Variants in MMP26 observed in about 807,000 individuals in gnomAD.
MMP26 encodes matrix metallopeptidase 26, also known as matrix metalloproteinase-26.
MMP26 carries 33 observed loss-of-function variants against 31.0 expected under a neutral mutation model. The observed-to-expected ratio is 1.06, with a 90% CI of 0.81 to 1.42. The LOEUF (loss-of-function observed/expected upper bound fraction) is 1.42, where lower values mean the gene tolerates loss of function less well. Ranked by LOEUF, MMP26 falls within the 40% of genes most tolerant of loss-of-function variation. MMP26 has a pLI of 0.00. For synonymous variants in MMP26, 122 were observed against 114.9 expected (o/e 1.06, Z -0.40); for missense variants, 347 against 316.1 (o/e 1.10, Z -0.74).
chr11:4,979,911 A>C (rs1846789668), intron 2 of MMP26, among the ~76,000 whole-genome samples: 1 of 152,152 alleles, frequency 6.6e-6, no homozygotes, highest in African/African-American at 2.4e-5. Context: ...AGAGCAATTC[A>C]CATTTACAGT....
intron 1 of MMP26, among the ~76,000 whole-genome samples, chr11:4,743,373 C>T (rs1282388926): frequency 1.3e-5 from 2 of 152,054 alleles, no homozygotes; most frequent in Admixed American, 6.5e-5. Context: ...ATTATGAAGA[C>T]TATTGGTAAA....
At chr11:4,848,322 G>T (rs1337752275) in intron 2 of MMP26, 8 of 1,613,966 alleles carry the variant, frequency 5.0e-6, no homozygotes, top group Non-Finnish European at 6.8e-6. Flanking sequence ...ATAGAGAATA[G>T]GGTTTATCAA....
chr11:4,896,717 T>C (rs73405024), intron 2 of MMP26, among the ~76,000 whole-genome samples: 5,731 of 152,270 alleles, frequency 0.038, 356 homozygotes, highest in African/African-American at 0.13. Flanking sequence ...AATTTACACA[T>C]GGTAAGATGG....
intron 2 of MMP26, chr11:4,849,320 C>T: frequency 8.8e-7 from 1 of 1,141,866 alleles, no homozygotes; most frequent in Non-Finnish European, 1.2e-6. Context: ...TCTTCCCTTC[C>T]CTGACTCATG....
intron 2 of MMP26, among the ~76,000 whole-genome samples, chr11:4,930,590 C>A (rs886315900): frequency 1.3e-5 from 2 of 152,004 alleles, no homozygotes; most frequent in African/African-American, 4.8e-5. Flanking sequence ...AAAGACTTTG[C>A]CTTACTATGT....
chr11:4,829,210 T>C (rs1030143479), intron 2 of MMP26, among the ~76,000 whole-genome samples: 2 of 152,156 alleles, frequency 1.3e-5, no homozygotes, highest in Non-Finnish European at 2.9e-5. Context: ...CTCTGCATAT[T>C]ATCAAATCTT....
In MMP26 at chr11:4,883,201, G is replaced by C. The variant is rs144241769; in HGVS notation, c.-144-104867G>C. Reference sequence around the variant, plus strand: ...TAAGACAGTAATTTTTAGACCAGAAGTAAATTAAAATTTTATTTTCACATC... The same window carrying C: ...TAAGACAGTAATTTTTAGACCAGAACTAAATTAAAATTTTATTTTCACATC... On this transcript the variant is annotated intron_variant, in intron 2 of 7. Coordinates refer to ENST00000380390, the MANE Select transcript of MMP26 (RefSeq NM_021801.5). Among the ~76,000 whole-genome samples, 455 of 149,790 alleles carry C rather than the reference G, an allele frequency of 3.0e-3. 5 individuals are homozygous for C. The highest frequency in any genetic ancestry group is 0.01 in the African/African-American group (422 of 40,452).
intron 2 of MMP26, among the ~76,000 whole-genome samples, chr11:4,933,558 T>C (rs1374084059): frequency 3.5e-4 from 4 of 11,312 alleles, no homozygotes; most frequent in African/African-American, 4.7e-4. Flanking sequence ...TGTTTTTTGT[T>C]TGTTTTGTTT....
intron 2 of MMP26, among the ~76,000 whole-genome samples, chr11:4,927,471 A>G (rs1851288485): frequency 6.6e-6 from 1 of 152,152 alleles, no homozygotes; most frequent in South Asian, 2.1e-4. Flanking sequence ...CCACAGGTCA[A>G]TCTCAAGTCC....
intron 2 of MMP26, among the ~76,000 whole-genome samples, chr11:4,856,582 G>A (rs1459687510): frequency 6.6e-6 from 1 of 152,154 alleles, no homozygotes; most frequent in Admixed American, 6.5e-5. Flanking sequence ...CAAGTCCTGA[G>A]TGACCTACAA....
intron 2 of MMP26, among the ~76,000 whole-genome samples, chr11:4,922,314 A>G (rs978477213): frequency 6.6e-6 from 1 of 152,180 alleles, no homozygotes; most frequent in Non-Finnish European, 1.5e-5. Flanking sequence ...AACTAGAAAG[A>G]GAAGAAATTG....
At chr11:4,709,730 G>C (rs1327772493) in intron 1 of MMP26, 1 of 460,736 alleles carries the variant, frequency 2.2e-6, no homozygotes, top group East Asian at 6.7e-5. Context: ...TCATCACTGA[G>C]TCAAGCCTCC....
At chr11:4,821,486 T>A in intron 2 of MMP26, 2 of 1,612,974 alleles carry the variant, frequency 1.2e-6, no homozygotes, top group African/African-American at 2.7e-5. Flanking sequence ...ATTCCAGGCC[T>A]GAAAGCCACC....
chr11:4,821,216 A>G (rs1849492285), intron 2 of MMP26: 2 of 614,324 alleles, frequency 3.3e-6, no homozygotes, highest in South Asian at 4.0e-5. Context: ...CAGGGAATTC[A>G]CTTTTCTCAA....
intron 2 of MMP26, among the ~76,000 whole-genome samples, chr11:4,903,435 G>A (rs988666689): frequency 1.4e-4 from 21 of 152,106 alleles, no homozygotes; most frequent in African/African-American, 4.3e-4. Context: ...GATGAAGAAC[G>A]TTTAAGTGGT....
chr11:4,766,782 C>T (rs960105092), intron 1 of MMP26, among the ~76,000 whole-genome samples: 2 of 129,192 alleles, frequency 1.5e-5, no homozygotes, highest in African/African-American at 6.7e-5. Context: ...CGGTTTCTCT[C>T]TCTCTTTCTC....
chr11:4,951,705 T>C (rs374919677), intron 2 of MMP26, among the ~76,000 whole-genome samples: 11 of 124,316 alleles, frequency 8.8e-5, no homozygotes, highest in African/African-American at 3.0e-4. Flanking sequence ...ATGAACCAAT[T>C]GCACCAGTCA....
chr11:4,934,715 C>G (rs995594794), intron 2 of MMP26, among the ~76,000 whole-genome samples: 1 of 147,734 alleles, frequency 6.8e-6, no homozygotes, highest in Admixed American at 6.8e-5. Context: ...TTAGGTCTAA[C>G]GTTTAAATCT....
At chr11:4,915,812 C>A in intron 2 of MMP26, 1 of 528,282 alleles carries the variant, frequency 1.9e-6, no homozygotes, top group South Asian at 3.7e-5. Flanking sequence ...GTGGTTATGT[C>A]TTTCTGGTCC....
Sources: allele counts gnomAD v4.1 joint callset (sites outside exome capture counted in the v4.1 genomes callset), GRCh38; gene constraint gnomAD v4.1.1; transcripts MANE v1.5; gene names NCBI Gene and HGNC (gene_info 2026-07-23, HGNC 2026-07-21).